The following STPG4 variants were observed in gnomAD, a reference collection of about 807,000 sequenced individuals.
STPG4 encodes the protein sperm-tail PG-rich repeat containing 4, also known as protein STPG4.
In STPG4, 41 loss-of-function variants were observed where a neutral mutation model predicts 31.5. The observed-to-expected ratio is 1.30, with a 90% confidence interval of 1.01 to 1.69. The LOEUF (loss-of-function observed/expected upper bound fraction) is 1.69. Among genes scored for constraint, STPG4 ranks in the 40% most tolerant of loss-of-function variants. The pLI is 0.00. For synonymous variants in STPG4, 141 were observed against 103.0 expected (o/e 1.37, Z -2.24); for missense variants, 375 against 293.4 (o/e 1.28, Z -2.03).
intron 5 of STPG4, among the ~76,000 whole-genome samples, chr2:47,122,811 T>C (rs575359393): frequency 7.0e-4 from 107 of 151,912 alleles, no homozygotes; most frequent in African/African-American, 2.4e-3. Context: ...TTTTGTTTGT[T>C]TGTCTGTTTG....
At chr2:47,104,623 G>A (rs866496460) in intron 5 of STPG4, among the ~76,000 whole-genome samples, 4 of 152,038 alleles carry the variant, frequency 2.6e-5, no homozygotes, top group South Asian at 2.1e-4. Context: ...CTTGCCCCAG[G>A]GGTTTAGGGA....
chr2:47,135,557 T>C (rs922557893), intron 3 of STPG4, among the ~76,000 whole-genome samples: 1 of 152,114 alleles, frequency 6.6e-6, no homozygotes, highest in African/African-American at 2.4e-5. Context: ...TGGCTAATTT[T>C]TATATTTTCA....
At chr2:47,138,638 C>T (rs1408818573) in intron 3 of STPG4, among the ~76,000 whole-genome samples, 5 of 152,178 alleles carry the variant, frequency 3.3e-5, no homozygotes, top group Admixed American at 6.5e-5. Flanking sequence ...CAACCTCTGA[C>T]TCCCTGGTTC....
chr2:47,104,721 T>C (rs188007451), intron 5 of STPG4, among the ~76,000 whole-genome samples: 2 of 152,042 alleles, frequency 1.3e-5, no homozygotes, highest in Admixed American at 6.5e-5. Flanking sequence ...ATGTGGATGA[T>C]TTACTTTTGG....
At chr2:47,101,732 A>G (rs1685804679) in intron 5 of STPG4, among the ~76,000 whole-genome samples, 1 of 151,764 alleles carries the variant, frequency 6.6e-6, no homozygotes, top group Non-Finnish European at 1.5e-5. Context: ...AACAAAAGCT[A>G]TTCCTGAAGC....
intron 5 of STPG4, among the ~76,000 whole-genome samples, chr2:47,115,214 C>G (rs1373139481): frequency 6.6e-6 from 1 of 151,890 alleles, no homozygotes; most frequent in Non-Finnish European, 1.5e-5. Context: ...TTGAAACATT[C>G]CTTCTAGAGT....
intron 3 of STPG4, among the ~76,000 whole-genome samples, chr2:47,135,802 G>C (rs1686584945): frequency 6.6e-6 from 1 of 152,204 alleles, no homozygotes; most frequent in Non-Finnish European, 1.5e-5. Flanking sequence ...CTATATTTTT[G>C]TGTGTCTATT....
At chr2:47,097,362 C>T (rs1457690272) in intron 5 of STPG4, among the ~76,000 whole-genome samples, 1 of 152,132 alleles carries the variant, frequency 6.6e-6, no homozygotes, top group Admixed American at 6.5e-5. Flanking sequence ...TCTCTGTGCT[C>T]TGCTATGGTC....
intron 5 of STPG4, among the ~76,000 whole-genome samples, chr2:47,101,052 C>T (rs777674947): frequency 8.6e-5 from 13 of 151,816 alleles, no homozygotes; most frequent in African/African-American, 1.2e-4. Flanking sequence ...AGACCATCGC[C>T]GAGCAATGAG....
intron 3 of STPG4, among the ~76,000 whole-genome samples, chr2:47,133,185 T>A (rs78893362): frequency 6.6e-6 from 1 of 151,312 alleles, no homozygotes; most frequent in African/African-American, 2.5e-5. Context: ...TTTTTTTTTT[T>A]GAGACAGGGC....
intron 5 of STPG4, among the ~76,000 whole-genome samples, chr2:47,096,127 T>C (rs1573148117): frequency 6.6e-6 from 1 of 152,336 alleles, no homozygotes; most frequent in African/African-American, 2.4e-5. Flanking sequence ...TTAGTCCTCA[T>C]CGACCAAGTA....
intron 3 of STPG4, among the ~76,000 whole-genome samples, chr2:47,150,647 C>T (rs1375102220): frequency 1.0e-5 from 1 of 99,206 alleles, no homozygotes; most frequent in Non-Finnish European, 2.2e-5. Flanking sequence ...TCCCAAGTAG[C>T]TATTTTTTTT....
chr2:47,103,540 GA>G (rs1298203635), intron 5 of STPG4, among the ~76,000 whole-genome samples: 2 of 151,950 alleles, frequency 1.3e-5, no homozygotes, highest in African/African-American at 2.4e-5. Context: ...CCCTCAGACA[GA>G]CAAACCTTGG....
intron 5 of STPG4, among the ~76,000 whole-genome samples, chr2:47,123,617 A>G (rs1417047099): frequency 6.6e-6 from 1 of 152,186 alleles, no homozygotes; most frequent in Non-Finnish European, 1.5e-5. Context: ...GACCTAAAGA[A>G]AGTAAAGGAG....
intron 5 of STPG4, among the ~76,000 whole-genome samples, chr2:47,107,178 G>A (rs973261831): frequency 1.3e-5 from 2 of 152,064 alleles, no homozygotes; most frequent in Non-Finnish European, 2.9e-5. Context: ...CCACTTTGGC[G>A]GCACTTAAGG....
At chr2:47,131,107 C>G (rs1041295495) in intron 3 of STPG4, among the ~76,000 whole-genome samples, 1 of 148,758 alleles carries the variant, frequency 6.7e-6, no homozygotes, top group South Asian at 2.1e-4. Flanking sequence ...AGCCACTGTA[C>G]CTGACCTGAT....
chr2:47,090,313 G>C lies in STPG4; in HGVS notation c.581C>G (p.Ser194Cys), dbSNP rs192163418. The C allele has an allele frequency of 3.4e-4, 535 of 1,551,958 alleles. 3 individuals carry two copies. The African/African-American group carries it at 6.5e-3, about 19-fold the overall frequency. ...VKMPPTSSVT[S>C]CFQSRVPRFL... ...TCGAGGGACTCTGGATTGAAAACAA[G>C]AAGTGACAGAGCTTGTTGGAGGCAT... Residue 194 changes from serine (S) to cysteine (C), a missense_variant, in exon 6 of 7, where the codon TCT becomes TGT. By Grantham distance (112) the Ser-to-Cys change is moderately radical. Coordinates refer to ENST00000445927, the MANE Select transcript of STPG4 (RefSeq NM_001163561.2).
intron 5 of STPG4, among the ~76,000 whole-genome samples, chr2:47,111,564 G>A (rs1338361006): frequency 6.6e-6 from 1 of 152,146 alleles, no homozygotes; most frequent in African/African-American, 2.4e-5. Context: ...GCTGTTGTGA[G>A]TGAAGCACAC....
chr2:47,096,294 CCAAGGGGTCCGAGACGCCTCT>C (rs1685667487), intron 5 of STPG4, among the ~76,000 whole-genome samples: 1 of 152,078 alleles, frequency 6.6e-6, no homozygotes, highest in South Asian at 2.1e-4. Flanking sequence ...CCCATCTGGT[CCAAGGGGTCCGAGACGCCTCT>C]CAAGGAAGTA....
Sources: gnomAD v4.1 joint callset for allele counts (sites outside exome capture counted in the v4.1 genomes callset) on GRCh38, gnomAD v4.1.1 for gene constraint, MANE v1.5 for transcripts, NCBI Gene and HGNC (gene_info 2026-07-23, HGNC 2026-07-21) for gene names.